RNF121: variants seen among roughly 807,000 people sequenced by gnomAD.
The protein encoded by RNF121 is ring finger protein 121.
Under a neutral mutation model 46.5 loss-of-function variants are expected in RNF121, and 21 were observed. The ratio of observed to expected loss-of-function variants is 0.45; its 90% CI spans 0.32 to 0.65. RNF121 has a LOEUF of 0.65. RNF121 is among the 30% of genes least tolerant of loss of function. The pLI is 0.04. For synonymous variants in RNF121, 139 were observed against 144.7 expected (o/e 0.96, Z 0.28); for missense variants, 346 against 416.0 (o/e 0.83, Z 1.46).
At chr11:71,933,545 C>T (rs1422902541) in intron 1 of RNF121, among the ~76,000 whole-genome samples, 1 of 152,138 alleles carries the variant, frequency 6.6e-6, no homozygotes. Context: ...CCTTGTGGTC[C>T]TTGAATGGAT....
At chr11:71,933,036 T>G (rs1303500301) in intron 1 of RNF121, among the ~76,000 whole-genome samples, 1 of 152,198 alleles carries the variant, frequency 6.6e-6, no homozygotes, top group Admixed American at 6.5e-5. Context: ...AAGTACAGCA[T>G]GCTTGAGATG....
intron 1 of RNF121, among the ~76,000 whole-genome samples, chr11:71,936,914 A>G (rs1953429787): frequency 6.6e-6 from 1 of 152,196 alleles, no homozygotes; most frequent in African/African-American, 2.4e-5. Flanking sequence ...CCATATATTT[A>G]TTGAGTAAAT....
intron 2 of RNF121, among the ~76,000 whole-genome samples, chr11:71,958,244 C>T (rs914592443): frequency 3.3e-4 from 50 of 152,140 alleles, no homozygotes; most frequent in Non-Finnish European, 6.9e-4. Flanking sequence ...TAATAGTCTT[C>T]ATATCATGTT....
intron 1 of RNF121, among the ~76,000 whole-genome samples, chr11:71,949,024 A>C (rs1270720392): frequency 6.6e-6 from 1 of 152,128 alleles, no homozygotes; most frequent in East Asian, 1.9e-4. Context: ...TATCCTTATC[A>C]TATTATTTTA....
intron 1 of RNF121, among the ~76,000 whole-genome samples, chr11:71,950,760 C>T (rs1181824218): frequency 6.6e-6 from 1 of 151,888 alleles, no homozygotes; most frequent in Non-Finnish European, 1.5e-5. Flanking sequence ...TCACACCATT[C>T]CCCTGCCTCA....
At chr11:71,936,122 T>C (rs532189658) in intron 1 of RNF121, among the ~76,000 whole-genome samples, 7 of 152,088 alleles carry the variant, frequency 4.6e-5, no homozygotes, top group East Asian at 3.9e-4. Flanking sequence ...GCTGGGATTA[T>C]AGGCGTGAGA....
At chr11:71,965,028 T>G (rs1484966634) in intron 3 of RNF121, among the ~76,000 whole-genome samples, 1 of 152,200 alleles carries the variant, frequency 6.6e-6, no homozygotes, top group Non-Finnish European at 1.5e-5. Flanking sequence ...ATAAAAAAAT[T>G]TGAACAATGT....
At chr11:71,969,084 A>G (rs2134187891) in intron 3 of RNF121, among the ~76,000 whole-genome samples, 1 of 151,870 alleles carries the variant, frequency 6.6e-6, no homozygotes, top group Non-Finnish European at 1.5e-5. Context: ...ACAGAGTTTC[A>G]CCATGTTGGT....
chr11:71,950,907 T>C (rs942287410), intron 1 of RNF121, among the ~76,000 whole-genome samples: 2 of 152,186 alleles, frequency 1.3e-5, no homozygotes, highest in Non-Finnish European at 2.9e-5. Context: ...TTTATTTGAA[T>C]TATTATAGCA....
Position 71,960,852 on chromosome 11 carries a change from C to T in RNF121, c.204C>T (p.Leu68=), listed in dbSNP as rs772673787. The T allele has an allele frequency of 6.2e-6, 10 of 1,614,152 alleles. No homozygotes were observed. In the South Asian group the frequency reaches 6.6e-5, roughly 11 times the overall value. The change falls in exon 3 of 9, where the codon CTC becomes CTT. Residue 68 remains leucine (L), a synonymous_variant. Coordinates refer to ENST00000361756, the MANE Select transcript of RNF121 (RefSeq NM_018320.5). ...CAACCTTGGTGGTGGCCCAGCTGCT[C>T]CTGGTGCAGTGGAAGCAGAGGCACC... ...LIATLVVAQL[L]LVQWKQRHPR...
At chr11:71,968,579 A>G (rs1012235284) in intron 3 of RNF121, among the ~76,000 whole-genome samples, 4 of 152,248 alleles carry the variant, frequency 2.6e-5, no homozygotes, top group African/African-American at 9.6e-5. Context: ...AGAGAGGAGA[A>G]GCAGAGCATA....
chr11:71,961,106 T>C (rs1954120868), intron 3 of RNF121, among the ~76,000 whole-genome samples: 1 of 152,196 alleles, frequency 6.6e-6, no homozygotes, highest in African/African-American at 2.4e-5. Context: ...ACTATGTTCA[T>C]AGGCAGAAAA....
At chr11:71,958,196 C>T (rs4121395) in intron 2 of RNF121, among the ~76,000 whole-genome samples, 135,181 of 152,240 alleles carry the variant, frequency 0.89, 60,273 homozygotes, top group Non-Finnish European at 0.94. Flanking sequence ...TTAAAAAGAT[C>T]TTTAACTGGA....
intron 1 of RNF121, among the ~76,000 whole-genome samples, chr11:71,951,673 T>C (rs1014735223): frequency 6.8e-6 from 1 of 146,598 alleles, no homozygotes; most frequent in Non-Finnish European, 1.5e-5. Context: ...ACAAAGGCTA[T>C]GAATAGACTT....
intron 3 of RNF121, among the ~76,000 whole-genome samples, chr11:71,976,387 G>A (rs1272764905): frequency 5.6e-4 from 65 of 115,788 alleles, no homozygotes; most frequent in Middle Eastern, 9.6e-3. Context: ...ATGGAGTCTC[G>A]CTGTGTCGCC....
chr11:71,949,281 G>C (rs1953805562), intron 1 of RNF121, among the ~76,000 whole-genome samples: 1 of 152,150 alleles, frequency 6.6e-6, no homozygotes, highest in Non-Finnish European at 1.5e-5. Flanking sequence ...AGCTGGGTGT[G>C]GTGGCACGTG....
chr11:71,987,232 G>C (rs922091503), intron 5 of RNF121, 121 bp downstream of exon 5: 5 of 660,278 alleles, frequency 7.6e-6, no homozygotes, highest in Admixed American at 4.7e-5. Context: ...TAGGAGACTT[G>C]GGTGCTGTGG....
intron 1 of RNF121, among the ~76,000 whole-genome samples, chr11:71,932,710 A>T (rs541446360): frequency 2.9e-4 from 44 of 152,328 alleles, no homozygotes; most frequent in African/African-American, 1.0e-3. Context: ...ATGTTTCCAG[A>T]TTCCAGAGTG....
At chr11:71,947,873 C>G (rs1423366886) in intron 1 of RNF121, among the ~76,000 whole-genome samples, 1 of 152,042 alleles carries the variant, frequency 6.6e-6, no homozygotes, top group Admixed American at 6.6e-5. Flanking sequence ...AGAGAAAGAG[C>G]AAGGGATAAA....
Sources: allele counts gnomAD v4.1 joint callset (sites outside exome capture counted in the v4.1 genomes callset), GRCh38; gene constraint gnomAD v4.1.1; transcripts MANE v1.5; gene names NCBI Gene and HGNC (gene_info 2026-07-23, HGNC 2026-07-21).